ABCD4: variants seen among roughly 807,000 people sequenced by gnomAD.
ABCD4 encodes the protein lysosomal cobalamin transporter ABCD4.
A neutral mutation model predicts 86.3 loss-of-function variants in ABCD4; 53 were observed. The observed-to-expected ratio is 0.61, with a 90% CI of 0.49 to 0.77. The LOEUF is 0.77. ABCD4 is among the 30% of genes least tolerant of loss of function. ABCD4 has a pLI of 0.00. For synonymous variants in ABCD4, 328 were observed against 313.6 expected, an observed-to-expected ratio of 1.05 and a Z score of -0.49; for missense variants, 757 against 764.5, an observed-to-expected ratio of 0.99 and a Z score of 0.12.
chr14:74,292,732 CA>C lies in ABCD4; in HGVS notation c.936+15del. The C allele has an allele frequency of 6.2e-7, 1 of 1,613,876 alleles. No homozygotes were observed. The highest frequency in any genetic ancestry group is 8.5e-7 in the Non-Finnish European group (1 of 1,179,916). Reference sequence around the variant, plus strand: ...AGAGAGGGACAGCATGTGGGGTGACCAAGAGGGAGTCTCACCTTGCTGACCA... The same window carrying C: ...AGAGAGGGACAGCATGTGGGGTGACCAGAGGGAGTCTCACCTTGCTGACCA... On this transcript the variant is annotated intron_variant, in intron 9 of 18. Transcript: ENST00000356924.
In ABCD4 at chr14:74,286,425, C is replaced by G; in HGVS notation, c.*36G>C. The G allele has an allele frequency of 6.2e-7, 1 of 1,611,670 alleles. No homozygotes were observed. The highest frequency in any genetic ancestry group is 8.5e-7 in the Non-Finnish European group (1 of 1,177,938). On this transcript the variant is annotated 3_prime_UTR_variant, in exon 19 of 19. Transcript: ENST00000356924. ...TGGTCTCTCCTGAGGGCCGCCGACC[C>G]GCCACAGTGTGGCTCTCCTTCCAAA...
chr14:74,296,785 A>C (rs1417214160), intron 4 of ABCD4: 3 of 228,708 alleles, frequency 1.3e-5, no homozygotes, highest in African/African-American at 2.3e-5. Flanking sequence ...ATGATCAAGA[A>C]GACTATCCCC....
chr14:74,293,860 G>A (rs909780147), intron 7 of ABCD4: 1 of 152,212 alleles, frequency 6.6e-6, no homozygotes, highest in Non-Finnish European at 1.5e-5. Context: ...AGCCATTAAG[G>A]GAGTCTGGGA....
Position 74,299,843 on chromosome 14 carries a change from C to T in ABCD4, c.158-168G>A. 5 of 633,950 alleles carry T rather than the reference C, an allele frequency of 7.9e-6. No individual in the cohort carries two copies. In the South Asian group the frequency reaches 9.7e-5, roughly 12 times the overall value. 39.3% of individuals were successfully genotyped at this position (633,950 alleles called of 1,614,324 possible). A position where few individuals can be genotyped will look rare whatever the true frequency, so the allele number is the denominator to read the frequency against. ...TTGGGAGGCTGAGGCGGGTGTATCA[C>T]CTGAGGTCATGAGTTCGAGATCAGC... On this transcript the variant is annotated intron_variant, in intron 2 of 18. Transcript: ENST00000356924.
rs755384089 is a variant in ABCD4 at position 74,302,857 on chromosome 14, C to G, written c.38+18G>C. Reference sequence around the variant, plus strand: ...GGAACTCCTGCTCCCAAACCTCCTCCCCGACCGCCCTGCTTACCTGGCGCC... The same window carrying G: ...GGAACTCCTGCTCCCAAACCTCCTCGCCGACCGCCCTGCTTACCTGGCGCC... On this transcript the variant is annotated intron_variant, in intron 1 of 18. Coordinates refer to ENST00000356924, the MANE Select transcript of ABCD4 (RefSeq NM_005050.4). 1 of 1,605,554 alleles carries G rather than the reference C, an allele frequency of 6.2e-7. No individual in the cohort carries two copies. The highest frequency in any genetic ancestry group is 8.5e-7 in the Non-Finnish European group (1 of 1,176,320).
At chr14:74,288,444 T>C (rs2080437284) in intron 15 of ABCD4, 185 bp from the exon 16 acceptor site, 1 of 658,408 alleles carries the variant, frequency 1.5e-6, no homozygotes, top group Non-Finnish European at 2.6e-6. Context: ...ATTCTACCAA[T>C]GACACTGTTT....
intron 4 of ABCD4, chr14:74,296,717 C>A: frequency 2.3e-6 from 1 of 432,784 alleles, no homozygotes; most frequent in South Asian, 2.9e-5. Flanking sequence ...TACCCAGGGG[C>A]CTGAGCCAGC....
At position 74,296,056 on chromosome 14, in the gene ABCD4, T is replaced by C. The variant is rs1175316919; in HGVS notation, c.543-77A>G. The stretch of plus-strand genomic sequence containing the variant: ...CCCCACATGCCTCAGCCCTGACTCC[T>C]GTTCCCTCTCAGGTAGCCCCTGTCC... On this transcript the variant is annotated intron_variant, in intron 5 of 18. Transcript: ENST00000356924. 6.6e-6 allele frequency: 10 copies of C among 1,521,018 alleles called. No individual in the cohort carries two copies. The South Asian group carries it at 1.2e-4, about 18-fold the overall frequency. 94.2% of individuals were successfully genotyped at this position (1,521,018 alleles called of 1,614,324 possible). A position where few individuals can be genotyped will look rare whatever the true frequency, so the allele number is the denominator to read the frequency against.
At chr14:74,287,926 A>G in intron 16 of ABCD4, 40 bp from the exon 17 acceptor site, 1 of 1,563,728 alleles carries the variant, frequency 6.4e-7, no homozygotes, top group Middle Eastern at 1.7e-4. Flanking sequence ...GAGGAGGAAG[A>G]ATATAGCTTG....
chr14:74,292,478 T>C, intron 10 of ABCD4, 73 bp downstream of exon 10: 1 of 1,590,654 alleles, frequency 6.3e-7, no homozygotes, highest in Non-Finnish European at 8.6e-7. Flanking sequence ...TCTCTGTTCC[T>C]TTTTTCACTC....
At position 74,302,929 on chromosome 14, in the gene ABCD4, G is replaced by T. The variant is rs761009867; in HGVS notation, c.-17C>A. On this transcript the variant is annotated 5_prime_UTR_variant, in exon 1 of 19. Coordinates refer to ENST00000356924, the MANE Select transcript of ABCD4 (RefSeq NM_005050.4). ...GACCGCCATGACCTGAGACCCGAGG[G>T]ACTCTGGAGCCCAGCTGCCCCTAGT... 1.5e-5 allele frequency: 24 copies of T among 1,606,920 alleles called. No homozygotes were observed. The highest frequency in any genetic ancestry group is 3.3e-4 in the Middle Eastern group (2 of 6,042).
At chr14:74,296,590 A>C in intron 4 of ABCD4, 141 bp from the exon 5 acceptor site, 2 of 719,966 alleles carry the variant, frequency 2.8e-6, no homozygotes, top group Non-Finnish European at 2.3e-6. Context: ...AGGGAACCAG[A>C]CAAGGCTGGT....
At position 74,288,912 on chromosome 14, in the gene ABCD4, G is replaced by C. The variant is rs549971933; in HGVS notation, c.1457-147C>G. The stretch of plus-strand genomic sequence containing the variant: ...GTGGATCACAAGGTCAGGAGATGGA[G>C]ACCACCCTGGCCAACATGGTGAAAC... On this transcript the variant is annotated intron_variant, in intron 14 of 18. Transcript: ENST00000356924. 6 of 1,072,206 alleles carry C rather than the reference G, an allele frequency of 5.6e-6. No homozygotes were observed. In the Admixed American group the frequency reaches 1.6e-4, roughly 29 times the overall value. The allele number at this position is 1,072,206 out of a possible 1,614,324, so 66.4% of individuals were successfully genotyped here. A position where few individuals can be genotyped will look rare whatever the true frequency, so the allele number is the denominator to read the frequency against.
At chr14:74,289,713 TA>T in intron 13 of ABCD4, 194 bp from the exon 14 acceptor site, 1 of 1,438,328 alleles carries the variant, frequency 7.0e-7, no homozygotes, top group Non-Finnish European at 9.1e-7. Context: ...GAAGTGTGTT[TA>T]GGGGGAACAG....
chr14:74,287,635 TA>T lies in ABCD4; in HGVS notation c.1636+174del, dbSNP rs140425539. On this transcript the variant is annotated intron_variant, in intron 17 of 18. Transcript: ENST00000356924. ...GCTGGCAGTACCGCATATTCAGTGT[TA>T]ACTCTGACGATGCCAGGCACTGTTT... Among the ~76,000 whole-genome samples, 9,795 of 151,988 alleles carry T rather than the reference TA, an allele frequency of 0.064. 1,069 individuals carry two copies. The highest frequency in any genetic ancestry group is 0.22 in the African/African-American group (9,285 of 41,392).
rs750693278 is a variant in ABCD4 at position 74,298,031 on chromosome 14, A to G, written c.324T>C (p.Tyr108=). The G allele has an allele frequency of 1.2e-6, 2 of 1,614,006 alleles. No homozygotes were observed. The highest frequency in any genetic ancestry group is 1.1e-5 in the South Asian group (1 of 91,030). Reference sequence around the variant, plus strand: ...CAGTGAGGTCCTTCCTCCAGCTCACATACAGCAGGTTGCAGGTGAACTGAT... The same window carrying G: ...CAGTGAGGTCCTTCCTCCAGCTCACGTACAGCAGGTTGCAGGTGAACTGAT... ...SFDQFTCNLL[Y]VSWRKDLTEH... is the part of the protein sequence containing the mutation. The change falls in exon 4 of 19, where the codon TAT becomes TAC. Residue 108 remains tyrosine (Y), a synonymous_variant. Transcript: ENST00000356924.
chr14:74,301,405 C>G (rs1312890291), intron 1 of ABCD4, among the ~76,000 whole-genome samples: 1 of 152,134 alleles, frequency 6.6e-6, no homozygotes, highest in African/African-American at 2.4e-5. Flanking sequence ...AGTGGTCCAC[C>G]TACCTCAGCC....
Position 74,290,034 on chromosome 14 carries a change from C to G in ABCD4, c.1412G>C (p.Arg471Pro). 1 of 1,614,062 alleles carries G rather than the reference C, an allele frequency of 6.2e-7. No individual in the cohort carries two copies. Among genetic ancestry groups the G allele is most frequent in the Non-Finnish European group, 8.5e-7 (1 of 1,179,998 alleles). Residue 471 changes from arginine to proline, a missense_variant, in exon 13 of 19, where the codon CGG (arginine) becomes CCG (proline). Arg to Pro is a moderately radical substitution (Grantham distance 103). Coordinates refer to ENST00000356924, the MANE Select transcript of ABCD4 (RefSeq NM_005050.4). The part of the protein sequence containing the change: ...QKPFFTDGTL[R>P]EQVIYPLKEV... ...CCCCTGAACTAGACTGACCTGCTCC[C>G]GAAGGGTCCCGTCAGTGAAGAATGG... is the stretch of plus-strand genomic sequence containing the variant.
chr14:74,297,561 T>C (rs540064254), intron 4 of ABCD4: 1 of 226,142 alleles, frequency 4.4e-6, no homozygotes, highest in African/African-American at 2.3e-5. Context: ...TCCTAACATT[T>C]TTCTTTTTTT....
Sources: allele counts gnomAD v4.1 joint callset (sites outside exome capture counted in the v4.1 genomes callset), GRCh38; gene constraint gnomAD v4.1.1; transcripts MANE v1.5; gene names NCBI Gene and HGNC (gene_info 2026-07-23, HGNC 2026-07-21).